The following CLVS1 variants were observed in gnomAD, a reference collection of about 807,000 sequenced individuals.
CLVS1 encodes clavesin 1.
CLVS1 carries 10 observed loss-of-function variants against 33.1 expected under a neutral mutation model. The observed-to-expected ratio is 0.30, with a 90% CI of 0.19 to 0.51. The LOEUF (loss-of-function observed/expected upper bound fraction) is 0.51, where lower values mean the gene tolerates loss of function less well. Among genes scored for constraint, CLVS1 ranks in the 20% least tolerant of loss-of-function variants. The pLI is 0.97. For synonymous variants in CLVS1, 163 were observed against 166.1 expected, an observed-to-expected ratio of 0.98 and a Z score of 0.14; for missense variants, 343 against 433.4, an observed-to-expected ratio of 0.79 and a Z score of 1.85.
At chr8:61,085,591 C>A (rs533773020) in intron 1 of CLVS1, among the ~76,000 whole-genome samples, 1 of 152,054 alleles carries the variant, frequency 6.6e-6, no homozygotes, top group Admixed American at 6.5e-5. Flanking sequence ...GAGAATGTAA[C>A]AATGAAATGC....
chr8:61,348,027 A>G (rs985144654), intron 2 of CLVS1, among the ~76,000 whole-genome samples: 2 of 151,810 alleles, frequency 1.3e-5, no homozygotes, highest in Non-Finnish European at 2.9e-5. Flanking sequence ...GTTATTAACT[A>G]TAGTCAGCAT....
intron 2 of CLVS1, among the ~76,000 whole-genome samples, chr8:61,216,095 G>T (rs16927012): frequency 1.3e-3 from 197 of 152,154 alleles, no homozygotes; most frequent in Non-Finnish European, 2.4e-3. Context: ...ACTGCCTTGG[G>T]GATTGAGATT....
intron 1 of CLVS1, among the ~76,000 whole-genome samples, chr8:61,085,650 G>A (rs1250056130): frequency 6.6e-6 from 1 of 151,686 alleles, no homozygotes; most frequent in Non-Finnish European, 1.5e-5. Context: ...CAGCACTTTC[G>A]GAGGCCGAGG....
At chr8:61,194,326 G>T (rs1029397436) in intron 2 of CLVS1, among the ~76,000 whole-genome samples, 6 of 151,896 alleles carry the variant, frequency 4.0e-5, no homozygotes, top group African/African-American at 1.2e-4. Context: ...AAAAATTAAG[G>T]TTAAGGAAAG....
chr8:61,449,961 G>A (rs1816895304), intron 3 of CLVS1, among the ~76,000 whole-genome samples: 1 of 152,190 alleles, frequency 6.6e-6, no homozygotes, highest in Non-Finnish European at 1.5e-5. Flanking sequence ...CATATTTTAT[G>A]AGAAAATCTT....
intron 2 of CLVS1, among the ~76,000 whole-genome samples, chr8:61,252,602 T>C (rs1585723612): frequency 2.6e-5 from 4 of 152,324 alleles, no homozygotes; most frequent in African/African-American, 9.6e-5. Flanking sequence ...TGGGTGCTCC[T>C]GTATTGGGTG....
At chr8:61,068,847 C>T (rs1486978258) in intron 1 of CLVS1, among the ~76,000 whole-genome samples, 2 of 152,204 alleles carry the variant, frequency 1.3e-5, no homozygotes, top group Admixed American at 6.5e-5. Flanking sequence ...TCCTTCTCTT[C>T]CTACCGATGC....
the CLVS1 span, among the ~76,000 whole-genome samples, chr8:60,975,961 A>G: frequency 1.3e-5 from 2 of 152,206 alleles, no homozygotes; most frequent in Non-Finnish European, 1.5e-5. Context: ...TACAATAAGT[A>G]CAAGGAGGCC....
At chr8:60,984,634 G>T in the CLVS1 span, among the ~76,000 whole-genome samples, 16 of 152,218 alleles carry the variant, frequency 1.1e-4, no homozygotes, top group Non-Finnish European at 1.9e-4. Flanking sequence ...GGCCCATAAA[G>T]TCTAGTTCTA....
At chr8:61,040,058 A>G in the CLVS1 span, among the ~76,000 whole-genome samples, 20 of 152,144 alleles carry the variant, frequency 1.3e-4, no homozygotes, top group Non-Finnish European at 2.4e-4. Flanking sequence ...TATGTACCCA[A>G]TGTTTAGCTC....
chr8:61,355,362 A>G (rs890387609), intron 2 of CLVS1, among the ~76,000 whole-genome samples: 1 of 152,062 alleles, frequency 6.6e-6, no homozygotes, highest in Non-Finnish European at 1.5e-5. Context: ...AACAAACGAG[A>G]AAAACAGAAG....
intron 2 of CLVS1, among the ~76,000 whole-genome samples, chr8:61,200,034 A>T (rs2129304706): frequency 6.6e-6 from 1 of 152,308 alleles, no homozygotes; most frequent in East Asian, 1.9e-4. Flanking sequence ...AAAAATATAA[A>T]CACTCGGGAG....
At chr8:61,335,278 C>T (rs1326857461) in intron 2 of CLVS1, among the ~76,000 whole-genome samples, 15 of 152,124 alleles carry the variant, frequency 9.9e-5, no homozygotes, top group African/African-American at 2.9e-4. Flanking sequence ...ATCTAGTCCT[C>T]GACAAGAAGG....
intron 2 of CLVS1, among the ~76,000 whole-genome samples, chr8:61,239,081 T>C (rs566472982): frequency 2.0e-5 from 3 of 152,354 alleles, no homozygotes; most frequent in East Asian, 3.9e-4. Context: ...AGTTGAAAAA[T>C]GGTATCTAAT....
At chr8:61,435,197 G>GA (rs768327613) in intron 3 of CLVS1, among the ~76,000 whole-genome samples, 2 of 152,152 alleles carry the variant, frequency 1.3e-5, no homozygotes, top group Non-Finnish European at 2.9e-5. Context: ...TTGAAATATG[G>GA]ATCCTAGGTT....
Position 61,438,785 on chromosome 8 carries a change from G to A in CLVS1, c.631-15356G>A, listed in dbSNP as rs143068122. On this transcript the variant is annotated intron_variant, in intron 3 of 5. Coordinates refer to ENST00000325897, the MANE Select transcript of CLVS1 (RefSeq NM_173519.3). ...ATTCTAAGTAAAGTTATGTTTCCTCGCCTGTAAAATGGGATAATATAGATA... is the reference window on the plus strand; with the variant it reads ...ATTCTAAGTAAAGTTATGTTTCCTCACCTGTAAAATGGGATAATATAGATA... Among the ~76,000 whole-genome samples the A allele has an allele frequency of 6.0e-4, 92 of 152,128 alleles. 2 individuals carry two copies. The highest frequency in any genetic ancestry group is 5.3e-4 in the African/African-American group (22 of 41,482).
chr8:61,132,567 T>C (rs1806120790), intron 2 of CLVS1, among the ~76,000 whole-genome samples: 1 of 152,228 alleles, frequency 6.6e-6, no homozygotes, highest in Non-Finnish European at 1.5e-5. Context: ...CTTTTGTCCT[T>C]CTTTCCATCA....
At position 61,113,820 on chromosome 8, in the gene CLVS1, C is replaced by T. The variant is rs72654636; in HGVS notation, c.-242-17950C>T. Among the ~76,000 whole-genome samples the T allele has an allele frequency of 8.5e-3, 1,288 of 152,200 alleles. 11 individuals are homozygous for T. The highest frequency in any genetic ancestry group is 0.012 in the Non-Finnish European group (816 of 68,010). On this transcript the variant is annotated intron_variant, in intron 1 of 2. Transcript: ENST00000522621. ...GCTAATTAATATTTTTTTGTAGAGACGGGGTGCCACTGTGTTGCCCAGGCT... is the reference window on the plus strand; with the variant it reads ...GCTAATTAATATTTTTTTGTAGAGATGGGGTGCCACTGTGTTGCCCAGGCT...
At chr8:61,237,537 G>A (rs953037992) in intron 2 of CLVS1, among the ~76,000 whole-genome samples, 1 of 152,182 alleles carries the variant, frequency 6.6e-6, no homozygotes, top group Non-Finnish European at 1.5e-5. Flanking sequence ...GACCTCAGAG[G>A]TTGTTTCTCC....
Sources: gnomAD v4.1 joint callset for allele counts (sites outside exome capture counted in the v4.1 genomes callset) on GRCh38, gnomAD v4.1.1 for gene constraint, MANE v1.5 for transcripts, NCBI Gene and HGNC (gene_info 2026-07-23, HGNC 2026-07-21) for gene names.